Variants in EDIL3 observed in about 807,000 individuals in gnomAD.
EDIL3 encodes the protein EGF-like repeat and discoidin I-like domain-containing protein 3.
Under a neutral mutation model 67.4 loss-of-function variants are expected in EDIL3, and 37 were observed. The ratio of observed to expected loss-of-function variants is 0.55; its 90% CI spans 0.42 to 0.72. The LOEUF (loss-of-function observed/expected upper bound fraction) is 0.72, where lower values mean the gene tolerates loss of function less well. EDIL3 is among the 30% of genes least tolerant of loss of function. The pLI, the probability that EDIL3 is intolerant of heterozygous loss-of-function variation, is 0.00. For missense variants in EDIL3, 527 were observed against 586.3 expected, an observed-to-expected ratio of 0.90 and a Z score of 1.04; for synonymous variants, 195 against 196.3, an observed-to-expected ratio of 0.99 and a Z score of 0.05.
intron 1 of EDIL3, 74 bp downstream of exon 1, chr5:84,384,234 G>A (rs1036048797): frequency 2.0e-6 from 3 of 1,537,060 alleles, no homozygotes; most frequent in Admixed American, 1.9e-5. Context: ...GACCGCCTCC[G>A]GCCCCCTGCG....
chr5:84,337,685 C>T (rs1747017676), intron 1 of EDIL3, among the ~76,000 whole-genome samples: 1 of 152,038 alleles, frequency 6.6e-6, no homozygotes, highest in Admixed American at 6.6e-5. Context: ...GACTAAATGA[C>T]TATATTAGGC....
intron 2 of EDIL3, among the ~76,000 whole-genome samples, chr5:84,237,222 G>A (rs967893397): frequency 3.3e-5 from 5 of 152,046 alleles, no homozygotes; most frequent in Non-Finnish European, 7.4e-5. Flanking sequence ...GGACAAATGA[G>A]CTAATCTAAA....
At chr5:84,372,545 A>G (rs1434807100) in intron 1 of EDIL3, among the ~76,000 whole-genome samples, 1 of 152,182 alleles carries the variant, frequency 6.6e-6, no homozygotes, top group Non-Finnish European at 1.5e-5. Context: ...TCTGAACAAG[A>G]TAAAGTAGGT....
intron 1 of EDIL3, among the ~76,000 whole-genome samples, chr5:84,261,283 G>T (rs1745219256): frequency 6.6e-6 from 1 of 152,114 alleles, no homozygotes; most frequent in Non-Finnish European, 1.5e-5. Context: ...CTTACTACCT[G>T]TGAAATTGTG....
At chr5:84,066,200 T>C (rs1048807276) in intron 7 of EDIL3, among the ~76,000 whole-genome samples, 10 of 150,430 alleles carry the variant, frequency 6.6e-5, no homozygotes. Flanking sequence ...TACAAAAGAC[T>C]GTGTCCACCT....
Position 84,384,510 on chromosome 5 carries a change from C to T in EDIL3, c.-136G>A. 2.5e-6 allele frequency: 2 copies of T among 787,548 alleles called. No individual in the cohort carries two copies. Among genetic ancestry groups the T allele is most frequent in the Non-Finnish European group, 4.0e-6 (2 of 496,274 alleles). The allele number at this position is 787,548 out of a possible 1,614,324, so 48.8% of individuals were successfully genotyped here. A position where few individuals can be genotyped will look rare whatever the true frequency, so the allele number is the denominator to read the frequency against. ...AAGAAGACGTTCTCTTTCCTCAGCG[C>T]TTTGTTAAACAAATTCTTGGAGAGG... On this transcript the variant is annotated 5_prime_UTR_variant, in exon 1 of 11. Transcript: ENST00000296591.
intron 1 of EDIL3, among the ~76,000 whole-genome samples, chr5:84,291,728 A>ATG (rs1161795939): frequency 2.7e-4 from 32 of 119,842 alleles, no homozygotes; most frequent in African/African-American, 9.2e-4. Flanking sequence ...ATATATCTAT[A>ATG]TAGATCTATC....
chr5:83,996,753 C>T (rs765404168), intron 9 of EDIL3, among the ~76,000 whole-genome samples: 4 of 152,146 alleles, frequency 2.6e-5, no homozygotes, highest in African/African-American at 7.2e-5. Flanking sequence ...AGGTCAGACA[C>T]GTCTTCCTAG....
At chr5:84,257,493 T>C (rs529129537) in intron 1 of EDIL3, among the ~76,000 whole-genome samples, 3 of 152,276 alleles carry the variant, frequency 2.0e-5, no homozygotes, top group South Asian at 4.1e-4. Flanking sequence ...AAACAGGTAA[T>C]AGATTTGAGA....
intron 1 of EDIL3, among the ~76,000 whole-genome samples, chr5:84,259,885 T>C (rs1745195249): frequency 6.6e-6 from 1 of 152,146 alleles, no homozygotes; most frequent in African/African-American, 2.4e-5. Flanking sequence ...CCGAAAAGCC[T>C]AAAATAGGTA....
intron 9 of EDIL3, among the ~76,000 whole-genome samples, chr5:84,045,500 C>A (rs1418878844): frequency 6.6e-6 from 1 of 151,908 alleles, no homozygotes; most frequent in Non-Finnish European, 1.5e-5. Context: ...ACTAAGGTCA[C>A]AATCTCTTCT....
rs1471684982 is a variant in EDIL3, at chr5:84,092,464, G to C, written c.651+14185C>G. Among the ~76,000 whole-genome samples, 3 of 152,242 alleles carry C rather than the reference G, an allele frequency of 2.0e-5. No individual in the cohort carries two copies. In the South Asian group the frequency reaches 6.2e-4, roughly 32 times the overall value. ...GCTTGGTTAAACTGAATTGTCTACTGAGAGTCTGCTAAACTCATGCTAGTA... is the reference window on the plus strand; with the variant it reads ...GCTTGGTTAAACTGAATTGTCTACTCAGAGTCTGCTAAACTCATGCTAGTA... On this transcript the variant is annotated intron_variant, in intron 6 of 10. Coordinates refer to ENST00000296591, the MANE Select transcript of EDIL3 (RefSeq NM_005711.5).
At position 83,986,667 on chromosome 5, in the gene EDIL3, T is replaced by C. The variant is rs138607682; in HGVS notation, c.1138-23307A>G. Among the ~76,000 whole-genome samples, 196 of 152,176 alleles carry C rather than the reference T, an allele frequency of 1.3e-3. 1 individual carries two copies. Among genetic ancestry groups the C allele is most frequent in the African/African-American group, 4.5e-3 (188 of 41,540 alleles). On this transcript the variant is annotated intron_variant, in intron 9 of 10. Coordinates refer to ENST00000296591, the MANE Select transcript of EDIL3 (RefSeq NM_005711.5). ...AGCAGACTTGTGTATATATATATTG[T>C]AGCACAGAGGTGGGTCCCCTGCAGG...
chr5:84,293,779 G>GTT (rs1044967360), intron 1 of EDIL3, among the ~76,000 whole-genome samples: 1 of 140,918 alleles, frequency 7.1e-6, no homozygotes, highest in Non-Finnish European at 1.6e-5. Flanking sequence ...GATTAAGACT[G>GTT]TTTTTTTTTT....
intron 6 of EDIL3, among the ~76,000 whole-genome samples, chr5:84,100,516 C>G (rs1404791650): frequency 6.6e-6 from 1 of 151,940 alleles, no homozygotes; most frequent in African/African-American, 2.4e-5. Flanking sequence ...TAAGTGGGAG[C>G]TGAACAATGA....
intron 9 of EDIL3, among the ~76,000 whole-genome samples, chr5:84,019,154 A>G (rs1185142496): frequency 2.0e-5 from 3 of 152,242 alleles, no homozygotes; most frequent in African/African-American, 7.2e-5. Flanking sequence ...CCAAATGTCC[A>G]ACAATGATAG....
chr5:84,096,153 G>T (rs966002365), intron 6 of EDIL3, among the ~76,000 whole-genome samples: 1 of 152,170 alleles, frequency 6.6e-6, no homozygotes, highest in South Asian at 2.1e-4. Flanking sequence ...GAAACGGGGG[G>T]TAAGAGCCCC....
chr5:83,985,064 T>G (rs1218100236), intron 9 of EDIL3, among the ~76,000 whole-genome samples: 1 of 151,990 alleles, frequency 6.6e-6, no homozygotes, highest in Non-Finnish European at 1.5e-5. Context: ...ACTCCCTGGA[T>G]TCCTTCTTTT....
intron 1 of EDIL3, among the ~76,000 whole-genome samples, chr5:84,283,662 T>C (rs1364463863): frequency 6.6e-6 from 1 of 152,170 alleles, no homozygotes; most frequent in Non-Finnish European, 1.5e-5. Flanking sequence ...CAATCTCTCA[T>C]TATCACTGGG....
Sources: gnomAD v4.1 joint callset for allele counts (sites outside exome capture counted in the v4.1 genomes callset) on GRCh38, gnomAD v4.1.1 for gene constraint, MANE v1.5 for transcripts, NCBI Gene and HGNC (gene_info 2026-07-23, HGNC 2026-07-21) for gene names.